DRC11: variants seen among roughly 807,000 people sequenced by gnomAD.
DRC11 encodes IQ and AAA domain-containing protein 1.
the DRC11 span, among the ~76,000 whole-genome samples, chr2:236,501,973 T>A: frequency 9.9e-5 from 15 of 152,112 alleles, no homozygotes; most frequent in African/African-American, 3.6e-4. Flanking sequence ...ACAGCAACAG[T>A]CCAGCAAAAC....
the DRC11 span, among the ~76,000 whole-genome samples, chr2:236,504,097 C>G: frequency 6.6e-5 from 10 of 152,284 alleles, no homozygotes; most frequent in African/African-American, 2.4e-4. This position sits in a 1 kb window ranked among gnomAD's most constrained non-coding sequence, Gnocchi z 5.0. Flanking sequence ...GAAGCAGTCA[C>G]TCCCCATTCC....
At chr2:236,314,884 C>T in the DRC11 span, among the ~76,000 whole-genome samples, 1 of 152,130 alleles carries the variant, frequency 6.6e-6, no homozygotes, top group African/African-American at 2.4e-5. The surrounding 1 kb of genome is among the most constrained non-coding windows in gnomAD (Gnocchi z 4.5). Flanking sequence ...TCAAATTGAT[C>T]TATAGATTCA....
the DRC11 span, among the ~76,000 whole-genome samples, chr2:236,379,278 C>T: frequency 7.6e-6 from 1 of 132,212 alleles, no homozygotes; most frequent in African/African-American, 3.1e-5. Context: ...AGAAGAGTGA[C>T]AGGACCAAGG....
At chr2:236,462,299 G>A in the DRC11 span, among the ~76,000 whole-genome samples, 3 of 152,114 alleles carry the variant, frequency 2.0e-5, no homozygotes, top group African/African-American at 7.2e-5. This position sits in a 1 kb window ranked among gnomAD's most constrained non-coding sequence, Gnocchi z 6.4. Flanking sequence ...GGGACACGTG[G>A]CAGAAACCAT....
chr2:236,368,157 T>G, the DRC11 span: 7 of 1,287,266 alleles, frequency 5.4e-6, no homozygotes, highest in Non-Finnish European at 7.8e-6. Context: ...TGCAAGCTGC[T>G]TTGGAAAAGG....
At chr2:236,380,631 T>G in the DRC11 span, 1 of 1,550,076 alleles carries the variant, frequency 6.5e-7, no homozygotes, top group Non-Finnish European at 8.7e-7. The surrounding 1 kb of genome is among the most constrained non-coding windows in gnomAD (Gnocchi z 4.9). Flanking sequence ...CTTTCTTTCC[T>G]TTCTTCTTTG....
the DRC11 span, among the ~76,000 whole-genome samples, chr2:236,476,159 G>C: frequency 6.8e-4 from 103 of 152,144 alleles, no homozygotes; most frequent in African/African-American, 2.4e-3. The surrounding 1 kb of genome is among the most constrained non-coding windows in gnomAD (Gnocchi z 4.7). Context: ...TTCTTGGGTA[G>C]TATTCATATT....
chr2:236,444,954 T>C, the DRC11 span, among the ~76,000 whole-genome samples: 2 of 152,212 alleles, frequency 1.3e-5, no homozygotes, highest in African/African-American at 2.4e-5. Flanking sequence ...TCCACAAGAC[T>C]CATGTCTGAA....
At chr2:236,400,565 C>T in the DRC11 span, among the ~76,000 whole-genome samples, 1 of 152,232 alleles carries the variant, frequency 6.6e-6, no homozygotes, top group African/African-American at 2.4e-5. This position sits in a 1 kb window ranked among gnomAD's most constrained non-coding sequence, Gnocchi z 7.9. Flanking sequence ...GCTATTGCTA[C>T]CCTTAGAGAG....
the DRC11 span, among the ~76,000 whole-genome samples, chr2:236,356,743 G>A: frequency 6.6e-6 from 1 of 151,732 alleles, no homozygotes; most frequent in Non-Finnish European, 1.5e-5. Flanking sequence ...CTGTCCCCTG[G>A]TTTACTATTA....
the DRC11 span, among the ~76,000 whole-genome samples, chr2:236,310,950 T>A: frequency 6.6e-6 from 1 of 152,222 alleles, no homozygotes; most frequent in African/African-American, 2.4e-5. The surrounding 1 kb of genome is among the most constrained non-coding windows in gnomAD (Gnocchi z 5.5). Flanking sequence ...GGAAAGTTGC[T>A]GAGGGAGAAT....
the DRC11 span, among the ~76,000 whole-genome samples, chr2:236,411,413 T>G: frequency 3.3e-5 from 5 of 150,852 alleles, no homozygotes; most frequent in Admixed American, 1.3e-4. Context: ...CTGGAGAGGA[T>G]GTGGAGAAAT....
At chr2:236,507,294 G>C in the DRC11 span, 1 of 1,613,800 alleles carries the variant, frequency 6.2e-7, no homozygotes, top group African/African-American at 1.3e-5. Flanking sequence ...TCTTTTCCTC[G>C]CCCTCCGGGA....
chr2:236,324,117 T>G, the DRC11 span: 1 of 152,264 alleles, frequency 6.6e-6, no homozygotes, highest in Non-Finnish European at 1.5e-5. This position sits in a 1 kb window ranked among gnomAD's most constrained non-coding sequence, Gnocchi z 5.7. Flanking sequence ...TGTAAGATCC[T>G]GTTTTCGCTC....
chr2:236,507,274 C>T, the DRC11 span: 1 of 1,613,914 alleles, frequency 6.2e-7, no homozygotes, highest in Non-Finnish European at 8.5e-7. Flanking sequence ...ACATTGCTGG[C>T]TACTTTCCCT....
At chr2:236,430,095 T>G in the DRC11 span, among the ~76,000 whole-genome samples, 3 of 152,060 alleles carry the variant, frequency 2.0e-5, no homozygotes, top group African/African-American at 7.3e-5. This position sits in a 1 kb window ranked among gnomAD's most constrained non-coding sequence, Gnocchi z 6.0. Flanking sequence ...TGTGGTGACT[T>G]CCAGTGTGTG....
At chr2:236,419,688 C>T in the DRC11 span, among the ~76,000 whole-genome samples, 3 of 152,204 alleles carry the variant, frequency 2.0e-5, no homozygotes, top group Non-Finnish European at 2.9e-5. This position sits in a 1 kb window ranked among gnomAD's most constrained non-coding sequence, Gnocchi z 4.8. Flanking sequence ...CCAATGGCAA[C>T]AGCCACTCTT....
At chr2:236,448,945 C>T in the DRC11 span, among the ~76,000 whole-genome samples, 13 of 151,404 alleles carry the variant, frequency 8.6e-5, no homozygotes, top group South Asian at 6.3e-4. This position sits in a 1 kb window ranked among gnomAD's most constrained non-coding sequence, Gnocchi z 5.3. Context: ...CTGCAACCTC[C>T]GCCTCCCGGG....
the DRC11 span, among the ~76,000 whole-genome samples, chr2:236,314,274 C>T: frequency 6.6e-6 from 1 of 152,140 alleles, no homozygotes; most frequent in Non-Finnish European, 1.5e-5. This position sits in a 1 kb window ranked among gnomAD's most constrained non-coding sequence, Gnocchi z 4.5. Flanking sequence ...TCCATTGAGG[C>T]AGAAAGAGTA....
Sources: gnomAD v4.1 joint callset for allele counts (sites outside exome capture counted in the v4.1 genomes callset) on GRCh38, gnomAD v4.1.1 for gene constraint, Gnocchi (gnomAD v3.1) non-coding constraint, MANE v1.5 for transcripts, NCBI Gene and HGNC (gene_info 2026-07-23, HGNC 2026-07-21) for gene names.